The following FARS2 variants were observed in gnomAD, a reference collection of about 807,000 sequenced individuals.
The protein encoded by FARS2 is phenylalanine--tRNA ligase, mitochondrial.
In FARS2, 40 loss-of-function variants were observed where a neutral mutation model predicts 46.4. The observed-to-expected ratio is 0.86, with a 90% confidence interval of 0.67 to 1.12. The LOEUF (loss-of-function observed/expected upper bound fraction) is 1.12, where lower values mean the gene tolerates loss of function less well. FARS2 is among the 50% of genes most tolerant of loss of function. The pLI is 0.00. For synonymous variants in FARS2, 234 were observed against 214.9 expected, an observed-to-expected ratio of 1.09 and a Z score of -0.78; for missense variants, 513 against 567.9, an observed-to-expected ratio of 0.90 and a Z score of 0.98.
intron 6 of FARS2, among the ~76,000 whole-genome samples, chr6:5,704,816 C>T (rs1367862937): frequency 1.3e-5 from 2 of 152,188 alleles, no homozygotes; most frequent in Non-Finnish European, 2.9e-5. Flanking sequence ...CTTATTTGCA[C>T]TGCAGAGGCA....
intron 1 of FARS2, among the ~76,000 whole-genome samples, chr6:5,341,190 T>TAG (rs1771539227): frequency 2.2e-4 from 2 of 9,024 alleles, no homozygotes; most frequent in Non-Finnish European, 3.9e-4. Flanking sequence ...CATGGGGAGA[T>TAG]ATATATATAT....
chr6:5,265,846 G>A (rs146809932), intron 1 of FARS2, among the ~76,000 whole-genome samples: 1 of 152,302 alleles, frequency 6.6e-6, no homozygotes, highest in East Asian at 1.9e-4. Flanking sequence ...TCAGTGCAAG[G>A]AGAGGTCACT....
intron 6 of FARS2, among the ~76,000 whole-genome samples, chr6:5,692,832 G>C (rs931953172): frequency 6.6e-6 from 1 of 152,116 alleles, no homozygotes; most frequent in Non-Finnish European, 1.5e-5. Context: ...ATATTTAAAA[G>C]GTGTCAGAAA....
intron 1 of FARS2, among the ~76,000 whole-genome samples, chr6:5,363,894 T>C (rs555842721): frequency 6.6e-6 from 1 of 152,346 alleles, no homozygotes; most frequent in Admixed American, 6.5e-5. Context: ...CTTACGTCTA[T>C]GCAAATTACC....
intron 4 of FARS2, 93 bp from the exon 5 acceptor site, chr6:5,545,087 C>G (rs1457901186): frequency 2.4e-6 from 3 of 1,248,696 alleles, no homozygotes; most frequent in Non-Finnish European, 3.4e-6. Context: ...TGGTAGGCAT[C>G]TAATTAGTGT....
intron 6 of FARS2, among the ~76,000 whole-genome samples, chr6:5,641,916 T>C (rs1185813141): frequency 2.0e-5 from 3 of 152,164 alleles, no homozygotes; most frequent in African/African-American, 7.2e-5. Context: ...TACATGTAGG[T>C]CCATCGGAAA....
At chr6:5,525,467 T>G (rs1435730284) in intron 4 of FARS2, among the ~76,000 whole-genome samples, 1 of 152,160 alleles carries the variant, frequency 6.6e-6, no homozygotes, top group Non-Finnish European at 1.5e-5. Flanking sequence ...GCTGAGAGGC[T>G]CAGGCCCTGG....
rs572846277 is a variant in FARS2 at position 5,578,402 on chromosome 6, A to G, written c.1065+33062A>G. 3.9e-5 allele frequency among the ~76,000 whole-genome samples: 6 copies of G among 152,226 alleles called. No individual in the cohort carries two copies. In the East Asian group the frequency reaches 1.2e-3, roughly 29 times the overall value. On this transcript the variant is annotated intron_variant, in intron 5 of 6. Transcript: ENST00000274680. The stretch of plus-strand genomic sequence containing the variant: ...CAGTACCCAGCTTGTGTCTCGTTCC[A>G]TGTGTGAATGGCTGTGAAAAAGCCT...
chr6:5,622,947 T>C (rs1296053275), intron 6 of FARS2, among the ~76,000 whole-genome samples: 2 of 152,202 alleles, frequency 1.3e-5, no homozygotes, highest in Non-Finnish European at 2.9e-5. Context: ...GGAACTGTTA[T>C]TCAATGACTG....
intron 4 of FARS2, among the ~76,000 whole-genome samples, chr6:5,457,594 G>A (rs9405834): frequency 0.35 from 52,841 of 152,032 alleles, 10,240 homozygotes; most frequent in East Asian, 0.45. Context: ...CTCTTTGATA[G>A]CAGGGCCTGT....
At chr6:5,712,317 G>A (rs1191364838) in intron 6 of FARS2, among the ~76,000 whole-genome samples, 1 of 152,138 alleles carries the variant, frequency 6.6e-6, no homozygotes, top group African/African-American at 2.4e-5. Context: ...AATAAATCAG[G>A]CCACTCAGTG....
intron 4 of FARS2, chr6:5,452,784 A>G (rs554953656): frequency 6.6e-6 from 1 of 152,300 alleles, no homozygotes; most frequent in African/African-American, 2.4e-5. Flanking sequence ...GAGCCTGTGA[A>G]TTACAGCTAT....
chr6:5,275,682 G>A (rs1288090688), intron 1 of FARS2, among the ~76,000 whole-genome samples: 2 of 151,952 alleles, frequency 1.3e-5, no homozygotes, highest in African/African-American at 2.4e-5. Flanking sequence ...AGATTCTGTT[G>A]CATTTGTTTG....
At chr6:5,384,731 T>C (rs1386040092) in intron 2 of FARS2, among the ~76,000 whole-genome samples, 2 of 152,158 alleles carry the variant, frequency 1.3e-5, no homozygotes, top group Non-Finnish European at 2.9e-5. Context: ...ACCTGTCTGT[T>C]TGAAGCTTGA....
At chr6:5,620,766 A>T (rs1457046939) in intron 6 of FARS2, among the ~76,000 whole-genome samples, 1 of 152,236 alleles carries the variant, frequency 6.6e-6, no homozygotes, top group African/African-American at 2.4e-5. Flanking sequence ...GGACCGGATT[A>T]GCCCAACTCA....
At chr6:5,314,572 T>C (rs1470821002) in intron 1 of FARS2, among the ~76,000 whole-genome samples, 1 of 152,202 alleles carries the variant, frequency 6.6e-6, no homozygotes, top group Non-Finnish European at 1.5e-5. Context: ...TGGTCTGTTT[T>C]CTTCCAGGCA....
intron 4 of FARS2, among the ~76,000 whole-genome samples, chr6:5,497,176 G>A (rs866534971): frequency 1.3e-5 from 2 of 152,090 alleles, no homozygotes; most frequent in South Asian, 2.1e-4. Flanking sequence ...TGGTAGCATC[G>A]TTATCATTAT....
At chr6:5,753,856 G>C (rs1762075561) in intron 6 of FARS2, among the ~76,000 whole-genome samples, 1 of 152,164 alleles carries the variant, frequency 6.6e-6, no homozygotes, top group Non-Finnish European at 1.5e-5. Context: ...GGTGCTGAGA[G>C]AGGACCTGCC....
At chr6:5,439,259 T>A (rs1233564538) in intron 4 of FARS2, among the ~76,000 whole-genome samples, 3 of 146,134 alleles carry the variant, frequency 2.1e-5, no homozygotes, top group Non-Finnish European at 4.6e-5. Context: ...CTGATATCTG[T>A]GCAGGTTTCC....
Sources: allele counts gnomAD v4.1 joint callset (sites outside exome capture counted in the v4.1 genomes callset), GRCh38; gene constraint gnomAD v4.1.1; transcripts MANE v1.5; gene names NCBI Gene and HGNC (gene_info 2026-07-23, HGNC 2026-07-21).